The following ERBB2 variants were observed in gnomAD, a reference collection of about 807,000 sequenced individuals.
ERBB2 encodes the protein receptor tyrosine-protein kinase erbB-2.
ERBB2 carries 61 observed loss-of-function variants against 149.0 expected under a neutral mutation model. The ratio of observed to expected loss-of-function variants is 0.41; its 90% confidence interval spans 0.33 to 0.51. ERBB2 has a LOEUF of 0.51. Among genes scored for constraint, ERBB2 ranks in the 20% least tolerant of loss-of-function variants. The pLI, the probability that ERBB2 is intolerant of heterozygous loss-of-function variation, is 0.25. For synonymous variants in ERBB2, 633 were observed against 678.8 expected, an observed-to-expected ratio of 0.93 and a Z score of 1.05; for missense variants, 1,205 against 1,655.1, an observed-to-expected ratio of 0.73 and a Z score of 4.72.
In ERBB2 at chr17:39,725,607, C is replaced by G; in HGVS notation, c.2726-100C>G. ...CTGTCTCCTGGCATCACATCTCCCCCTGCTACCTGCCATGATGCTAGACTC... is the reference window on the plus strand; with the variant it reads ...CTGTCTCCTGGCATCACATCTCCCCGTGCTACCTGCCATGATGCTAGACTC... On this transcript the variant is annotated intron_variant, in intron 22 of 26. Transcript: ENST00000269571. This position sits in a 1 kb window ranked among gnomAD's most constrained non-coding sequence, Gnocchi z 4.6. The G allele has an allele frequency of 1.5e-6, 2 of 1,375,242 alleles. No homozygotes were observed. Among genetic ancestry groups the G allele is most frequent in the Non-Finnish European group, 2.0e-6 (2 of 998,928 alleles). 85.2% of individuals were successfully genotyped at this position (1,375,242 alleles called of 1,614,324 possible). A position where few individuals can be genotyped will look rare whatever the true frequency, so the allele number is the denominator to read the frequency against.
intron 16 of ERBB2, among the ~76,000 whole-genome samples, chr17:39,720,750 A>G (rs2059405215): frequency 6.6e-6 from 1 of 152,212 alleles, no homozygotes; most frequent in Admixed American, 6.5e-5. Flanking sequence ...CCTGGGTTCA[A>G]GCGCTTCTTG....
At chr17:39,699,517 CTT>C, upstream of ERBB2, 1 of 1,532,726 alleles carries the variant, frequency 6.5e-7, no homozygotes, top group Non-Finnish European at 8.7e-7. Context: ...TGTAGACCCT[CTT>C]AAGATCATGC....
At chr17:39,715,166 C>T (rs2059044000) in intron 9 of ERBB2, 120 bp from the exon 10 acceptor site, 3 of 784,208 alleles carry the variant, frequency 3.8e-6, no homozygotes, top group Non-Finnish European at 6.5e-6. Flanking sequence ...AACAGCTGGG[C>T]TCGATGGGCA....
chr17:39,691,882 G>A (rs901115331), upstream of ERBB2, among the ~76,000 whole-genome samples: 5 of 127,200 alleles, frequency 3.9e-5, no homozygotes, highest in Admixed American at 8.4e-5. Context: ...TATAGATATA[G>A]ATATAGATAT....
chr17:39,694,301 G>GTATA (rs1433566903), upstream of ERBB2, among the ~76,000 whole-genome samples: 2 of 37,104 alleles, frequency 5.4e-5, no homozygotes, highest in African/African-American at 7.4e-5. Flanking sequence ...ACATATATAT[G>GTATA]TGTATATATA....
chr17:39,694,229 ATATATATAT>A, upstream of ERBB2, among the ~76,000 whole-genome samples: 1 of 9,820 alleles, frequency 1.0e-4, no homozygotes, highest in African/African-American at 4.2e-4. Flanking sequence ...AAAAAAAAAT[ATATATATAT>A]ATATATATAT....
At position 39,712,347 on chromosome 17, in the gene ERBB2, C is replaced by T. The variant is rs1475678347; in HGVS notation, c.1047C>T (p.His349=). ...ARVCYGLGME[H]LREVRAVTSA... Reference sequence around the variant, plus strand: ...TGTGCTATGGTCTGGGCATGGAGCACTTGCGAGAGGTGAGGGCAGTTACCA... The same window carrying T: ...TGTGCTATGGTCTGGGCATGGAGCATTTGCGAGAGGTGAGGGCAGTTACCA... Residue 349 remains histidine, a synonymous_variant, in exon 9 of 27, where the codon CAC becomes CAT. Coordinates refer to ENST00000269571, the MANE Select transcript of ERBB2 (RefSeq NM_004448.4). 2 of 1,613,896 alleles carry T rather than the reference C, an allele frequency of 1.2e-6. No individual in the cohort carries two copies. Among genetic ancestry groups the T allele is most frequent in the East Asian group, 2.2e-5 (1 of 44,892 alleles).
intron 3 of ERBB2, 39 bp downstream of exon 3, chr17:39,708,573 C>T (rs761652631): frequency 2.0e-6 from 3 of 1,517,214 alleles, no homozygotes; most frequent in Non-Finnish European, 1.8e-6. Context: ...CTTGGTTATT[C>T]AGAGCTGACC....
chr17:39,721,261 CTTTT>C (rs33957748), intron 16 of ERBB2, among the ~76,000 whole-genome samples: 1 of 82,946 alleles, frequency 1.2e-5, no homozygotes. Context: ...TGAGCCAAGT[CTTTT>C]TTTTTTTTTT....
At chr17:39,700,452 G>A (rs910756075) in intron 1 of ERBB2, 141 bp downstream of exon 1, 4 of 669,282 alleles carry the variant, frequency 6.0e-6, no homozygotes, top group Non-Finnish European at 6.3e-6. Flanking sequence ...GAGACGCTCA[G>A]GGCAGCCGGG....
chr17:39,723,225 C>G lies in ERBB2; in HGVS notation c.1947-94C>G. The G allele has an allele frequency of 1.5e-6, 2 of 1,351,280 alleles. No homozygotes were observed. Among genetic ancestry groups the G allele is most frequent in the Non-Finnish European group, 2.1e-6 (2 of 969,388 alleles). The allele number at this position is 1,351,280 out of a possible 1,614,324, so 83.7% of individuals were successfully genotyped here. A position where few individuals can be genotyped will look rare whatever the true frequency, so the allele number is the denominator to read the frequency against. On this transcript the variant is annotated intron_variant, in intron 16 of 26. Coordinates refer to ENST00000269571, the MANE Select transcript of ERBB2 (RefSeq NM_004448.4). The surrounding 1 kb of genome is among the most constrained non-coding windows in gnomAD (Gnocchi z 6.2). ...GGGTCACCCTTCCGACTTCCCTTTC[C>G]GAATGCCAAACACCTTCATGTCCCC...
Position 39,727,174 on chromosome 17 carries a change from G to A in ERBB2, c.3160-121G>A. Reference sequence around the variant, plus strand: ...CCCCTGTGACCCCATTCTCTCCACGGTGACTGTGTCATACCCCAAAGGTGA... The same window carrying A: ...CCCCTGTGACCCCATTCTCTCCACGATGACTGTGTCATACCCCAAAGGTGA... On this transcript the variant is annotated intron_variant, in intron 25 of 26. Coordinates refer to ENST00000269571, the MANE Select transcript of ERBB2 (RefSeq NM_004448.4). This position sits in a 1 kb window ranked among gnomAD's most constrained non-coding sequence, Gnocchi z 4.3. The A allele has an allele frequency of 3.8e-6, 5 of 1,332,330 alleles. No individual in the cohort carries two copies. Among genetic ancestry groups the A allele is most frequent in the Non-Finnish European group, 4.2e-6 (4 of 954,644 alleles). 82.5% of individuals were successfully genotyped at this position (1,332,330 alleles called of 1,614,324 possible).
chr17:39,694,413 A>G (rs572046216), upstream of ERBB2, among the ~76,000 whole-genome samples: 2 of 150,786 alleles, frequency 1.3e-5, no homozygotes, highest in African/African-American at 4.9e-5. Flanking sequence ...CAGGGTGTCA[A>G]AAGTAGCACT....
intron 3 of ERBB2, 156 bp from the exon 4 acceptor site, chr17:39,709,162 G>A: frequency 2.5e-6 from 2 of 793,118 alleles, no homozygotes; most frequent in Admixed American, 2.3e-5. Flanking sequence ...TGGTGGTGGT[G>A]GGACTCAAAG....
upstream of ERBB2, among the ~76,000 whole-genome samples, chr17:39,697,739 GCTGGAGTGCAGTGGC>G (rs1384753745): frequency 2.6e-5 from 4 of 151,832 alleles, no homozygotes; most frequent in African/African-American, 9.7e-5. Flanking sequence ...TGTCACCCAG[GCTGGAGTGCAGTGGC>G]AAGATCTCAG....
intron 1 of ERBB2, 32 bp downstream of exon 1, chr17:39,700,343 C>G (rs1472079883): frequency 3.0e-6 from 4 of 1,321,778 alleles, no homozygotes; most frequent in Non-Finnish European, 3.9e-6. Flanking sequence ...GACGGAGCAG[C>G]GGCGGGACCC....
At position 39,726,716 on chromosome 17, in the gene ERBB2, G is replaced by T. The variant is rs2059786287; in HGVS notation, c.2970+57G>T. The T allele has an allele frequency of 2.5e-6, 4 of 1,599,182 alleles. No homozygotes were observed. The highest frequency in any genetic ancestry group is 2.6e-6 in the Non-Finnish European group (3 of 1,166,384). ...TGGCTAAGAGCACCCTCCTGCAGAG[G>T]GTGGGAAGGAGAGATGAGTCCAGTA... is the stretch of plus-strand genomic sequence containing the variant. On this transcript the variant is annotated intron_variant, in intron 24 of 26. Coordinates refer to ENST00000269571, the MANE Select transcript of ERBB2 (RefSeq NM_004448.4). The surrounding 1 kb of genome is among the most constrained non-coding windows in gnomAD (Gnocchi z 5.1).
rs2145798543 is a variant in ERBB2 at position 39,723,257 on chromosome 17, C to T, written c.1947-62C>T. The stretch of plus-strand genomic sequence containing the variant: ...CAAACACCTTCATGTCCCCCGTGGG[C>T]CCCCTTTGTCCCTCCCACCCCAAAC... On this transcript the variant is annotated intron_variant, in intron 16 of 26. Coordinates refer to ENST00000269571, the MANE Select transcript of ERBB2 (RefSeq NM_004448.4). This position sits in a 1 kb window ranked among gnomAD's most constrained non-coding sequence, Gnocchi z 6.2. The T allele has an allele frequency of 1.9e-6, 3 of 1,538,764 alleles. No individual in the cohort carries two copies. Among genetic ancestry groups the T allele is most frequent in the Non-Finnish European group, 2.7e-6 (3 of 1,119,520 alleles).
Position 39,727,496 on chromosome 17 carries a change from C to T in ERBB2, c.3361C>T (p.Pro1121Ser), listed in dbSNP as rs2143254884. 1 of 1,606,616 alleles carries T rather than the reference C, an allele frequency of 6.2e-7. No homozygotes were observed. The highest frequency in any genetic ancestry group is 8.5e-7 in the Non-Finnish European group (1 of 1,177,852). ...CAGTGAGGACCCCACAGTACCCCTG[C>T]CCTCTGAGACTGATGGCTACGTTGC... ...RYSEDPTVPL[P>S]SETDGYVAPL... is the part of the protein sequence containing the mutation. The change falls in exon 26 of 27, where the codon CCC becomes TCC. Residue 1121 changes from proline (P) to serine (S), a missense_variant. Physicochemically the swap from Pro to Ser is moderately conservative, Grantham distance 74 (BLOSUM62 -1). Around this residue, in one of 6 missense-constraint regions of ERBB2, gnomAD observed 312 missense variants for 343.8 expected, o/e 0.91. Transcript: ENST00000269571. This position sits in a 1 kb window ranked among gnomAD's most constrained non-coding sequence, Gnocchi z 4.3.
Sources: allele counts gnomAD v4.1 joint callset (sites outside exome capture counted in the v4.1 genomes callset), GRCh38; gene constraint gnomAD v4.1.1; regional missense constraint gnomAD v4.1.1; non-coding constraint Gnocchi (gnomAD v3.1); transcripts MANE v1.5; gene names NCBI Gene and HGNC (gene_info 2026-07-23, HGNC 2026-07-21).